Variants in SART1 observed in about 807,000 individuals in gnomAD.
SART1 encodes U4/U6.U5 tri-snRNP-associated protein 1.
In SART1, 28 loss-of-function variants were observed where a neutral mutation model predicts 105.0. The observed-to-expected ratio is 0.27, with a 90% CI of 0.20 to 0.37. The LOEUF is 0.37. SART1 is among the 10% of genes least tolerant of loss of function. SART1 has a pLI of 1.00. For synonymous variants in SART1, 472 were observed against 462.9 expected (o/e 1.02, Z -0.25); for missense variants, 894 against 1,106.5 (o/e 0.81, Z 2.72).
chr11:65,975,023 A>G (rs1047340211), intron 12 of SART1, among the ~76,000 whole-genome samples: 11 of 152,100 alleles, frequency 7.2e-5, no homozygotes, highest in Non-Finnish European at 1.5e-4. Flanking sequence ...CTGGGCGACA[A>G]AGTGAGACTC....
intron 2 of SART1, 35 bp downstream of exon 2, chr11:65,964,166 TC>T: frequency 1.3e-6 from 2 of 1,596,946 alleles, no homozygotes; most frequent in Non-Finnish European, 8.6e-7. Flanking sequence ...ACTTTGTTTT[TC>T]TAAGAGAGGT....
Position 65,978,069 on chromosome 11 carries a change from G to A in SART1, c.2172+170G>A. 1.4e-6 allele frequency: 1 copy of A among 694,088 alleles called. No individual in the cohort carries two copies. The highest frequency in any genetic ancestry group is 2.7e-5 in the East Asian group (1 of 36,646). 43.0% of individuals were successfully genotyped at this position (694,088 alleles called of 1,614,324 possible). On this transcript the variant is annotated intron_variant, in intron 17 of 19. Coordinates refer to ENST00000312397, the MANE Select transcript of SART1 (RefSeq NM_005146.5). The surrounding 1 kb of genome is among the most constrained non-coding windows in gnomAD (Gnocchi z 6.8). ...GGAGGGGGCCCTCAGGGCTGAGGAA[G>A]GCTGTGCCTCAGTTTGTCTCTAGTG...
chr11:65,965,598 CCTG>C lies in SART1; in HGVS notation c.661-102_661-100del. ...TCTACTTTGGATTCTCAGCAGCTTT[CCTG>C]CAAGGCCTGCCCTTTTTGCACTCCG... On this transcript the variant is annotated intron_variant, in intron 5 of 19. Transcript: ENST00000312397. 3.7e-6 allele frequency: 5 copies of C among 1,343,030 alleles called. No individual in the cohort carries two copies. The South Asian group carries it at 6.5e-5, about 17-fold the overall frequency. 83.2% of individuals were successfully genotyped at this position (1,343,030 alleles called of 1,614,324 possible).
In SART1 at chr11:65,976,397, G is replaced by C; in HGVS notation, c.1575G>C (p.Val525=). The change falls in exon 13 of 20, where the codon GTG becomes GTC. Residue 525 remains valine, a splice_region_variant and synonymous_variant. Transcript: ENST00000312397. The surrounding 1 kb of genome is among the most constrained non-coding windows in gnomAD (Gnocchi z 5.1). ...CCCACAGCCGCTCCCTCCCCCAGGT[G>C]GTGGAGATTGTGAAGAAGCTGGAGT... ...LQQLRDSGEK[V]VEIVKKLESR... is the part of the protein sequence containing the mutation. 1 of 1,542,434 alleles carries C rather than the reference G, an allele frequency of 6.5e-7. No individual in the cohort carries two copies. The highest frequency in any genetic ancestry group is 1.3e-5 in the South Asian group (1 of 77,742).
intron 15 of SART1, among the ~76,000 whole-genome samples, 156 bp from the exon 16 acceptor site, chr11:65,977,407 A>C (rs1358624315): frequency 1.3e-5 from 2 of 152,114 alleles, no homozygotes; most frequent in Admixed American, 6.5e-5. Flanking sequence ...CAAGGGGCTC[A>C]TTTCTGCATC....
intron 12 of SART1, among the ~76,000 whole-genome samples, chr11:65,973,153 G>A (rs1293823201): frequency 1.3e-5 from 2 of 152,072 alleles, no homozygotes; most frequent in East Asian, 3.9e-4. Flanking sequence ...CAGCCTGGGT[G>A]ACAGAGCAAG....
At chr11:65,964,212 A>G (rs1855202862) in intron 2 of SART1, 81 bp downstream of exon 2, 1 of 1,192,484 alleles carries the variant, frequency 8.4e-7, no homozygotes, top group South Asian at 1.2e-5. Flanking sequence ...GCTTTCTCAC[A>G]TGAAAGTGTG....
At position 65,967,777 on chromosome 11, in the gene SART1, C is replaced by G. The variant is rs1006809828; in HGVS notation, c.1528C>G (p.Arg510Gly). 1.9e-6 allele frequency: 3 copies of G among 1,549,386 alleles called. No homozygotes were observed. Among genetic ancestry groups the G allele is most frequent in the Non-Finnish European group, 2.6e-6 (3 of 1,146,974 alleles). The change falls in exon 12 of 20, where the codon CGA (arginine) becomes GGA (glycine). Residue 510 changes from arginine to glycine, a missense_variant. Physicochemically the swap from Arg to Gly is moderately radical, Grantham distance 125. Coordinates refer to ENST00000312397, the MANE Select transcript of SART1 (RefSeq NM_005146.5). Reference sequence around the variant, plus strand: ...GCAGCTGGAGAAGGGACGCCGGCTGCGACAGTTACAGCAGCTACAGCAGCT... The same window carrying G: ...GCAGCTGGAGAAGGGACGCCGGCTGGGACAGTTACAGCAGCTACAGCAGCT... The part of the protein sequence containing the change: ...QKQLEKGRRL[R>G]QLQQLQQLRD...
intron 12 of SART1, among the ~76,000 whole-genome samples, chr11:65,975,997 C>T (rs1855473604): frequency 6.6e-6 from 1 of 152,070 alleles, no homozygotes; most frequent in South Asian, 2.1e-4. Flanking sequence ...GCCACCTCAC[C>T]ACCCTGCGGG....
intron 12 of SART1, among the ~76,000 whole-genome samples, chr11:65,973,725 G>A (rs1341749228): frequency 6.6e-6 from 1 of 152,198 alleles, no homozygotes; most frequent in Admixed American, 6.5e-5. Context: ...CATCCTCAGT[G>A]GGCTAGAGAG....
chr11:65,969,127 C>G (rs1188415348), intron 12 of SART1, among the ~76,000 whole-genome samples: 4 of 152,062 alleles, frequency 2.6e-5, no homozygotes, highest in Non-Finnish European at 5.9e-5. Context: ...GGGCTGAACC[C>G]GGGACGGAGG....
At position 65,976,999 on chromosome 11, in the gene SART1, C is replaced by T; in HGVS notation, c.1858-15C>T. The T allele has an allele frequency of 6.2e-7, 1 of 1,610,180 alleles. No individual in the cohort carries two copies. ...CGGTATGGCCTGCTAACCACCCCCG[C>T]CACGTGTCCCGTAGTTCTCTGCTTC... On this transcript the variant is annotated splice_polypyrimidine_tract_variant and intron_variant, in intron 14 of 19. Coordinates refer to ENST00000312397, the MANE Select transcript of SART1 (RefSeq NM_005146.5). The surrounding 1 kb of genome is among the most constrained non-coding windows in gnomAD (Gnocchi z 5.1).
chr11:65,964,507 G>C lies in SART1; in HGVS notation c.372-8G>C. On this transcript the variant is annotated splice_polypyrimidine_tract_variant and splice_region_variant and intron_variant, in intron 2 of 19. Transcript: ENST00000312397. The stretch of plus-strand genomic sequence containing the variant: ...ATAGCCCCTAACACTTGTATCTCTT[G>C]TTGTCAGCAAACTCCGGGCAAAGTT... 3 of 1,612,784 alleles carry C rather than the reference G, an allele frequency of 1.9e-6. No individual in the cohort carries two copies. The highest frequency in any genetic ancestry group is 2.5e-6 in the Non-Finnish European group (3 of 1,179,654).
In SART1 at chr11:65,977,524, C is replaced by G. The variant is rs1341747205; in HGVS notation, c.1946-39C>G. The G allele has an allele frequency of 5.7e-6, 9 of 1,573,946 alleles. 1 individual carries two copies. In the East Asian group the frequency reaches 2.0e-4, roughly 35 times the overall value. On this transcript the variant is annotated intron_variant, in intron 15 of 19. Transcript: ENST00000312397. ...CTCAGGCGGCCCTGGAGCTGTGGCT[C>G]TCGAGGGGTTGGGAGTCTCACAACC...
chr11:65,977,996 C>T, intron 17 of SART1, 97 bp downstream of exon 17: 1 of 1,338,004 alleles, frequency 7.5e-7, no homozygotes, highest in Middle Eastern at 2.3e-4. Flanking sequence ...CCCCAGGGTC[C>T]TGGCTCCACC....
In SART1 at chr11:65,976,657, A is replaced by G; in HGVS notation, c.1748A>G (p.Asp583Gly). Residue 583 changes from aspartate (D) to glycine (G), a missense_variant and splice_region_variant, in exon 14 of 20, where the codon GAC becomes GGC. Coordinates refer to ENST00000312397, the MANE Select transcript of SART1 (RefSeq NM_005146.5). The surrounding 1 kb of genome is among the most constrained non-coding windows in gnomAD (Gnocchi z 5.1). ...CGACCCTGGTCTTTTGTGCCCCAGGACTTTGAACGGGATGAGGAGCGCTCA... is the reference window on the plus strand; with the variant it reads ...CGACCCTGGTCTTTTGTGCCCCAGGGCTTTGAACGGGATGAGGAGCGCTCA... Reference protein sequence around the residue: ...GNREEQEELMDFERDEERSAN... With the variant: ...GNREEQEELMGFERDEERSAN... The G allele has an allele frequency of 6.2e-7, 1 of 1,613,566 alleles. No homozygotes were observed. Among genetic ancestry groups the G allele is most frequent in the South Asian group, 1.1e-5 (1 of 91,058 alleles).
In SART1 at chr11:65,976,174, T is replaced by C. The variant is rs996159168; in HGVS notation, c.1573-221T>C. Reference sequence around the variant, plus strand: ...GAAGGCCCTGTAGGATGTTGGGTATTCATTCAAAGGGCATCCAAACCCATT... The same window carrying C: ...GAAGGCCCTGTAGGATGTTGGGTATCCATTCAAAGGGCATCCAAACCCATT... On this transcript the variant is annotated intron_variant, in intron 12 of 19. Coordinates refer to ENST00000312397, the MANE Select transcript of SART1 (RefSeq NM_005146.5). This position sits in a 1 kb window ranked among gnomAD's most constrained non-coding sequence, Gnocchi z 5.1. Among the ~76,000 whole-genome samples the C allele has an allele frequency of 6.6e-5, 10 of 152,002 alleles. No homozygotes were observed. The highest frequency in any genetic ancestry group is 1.3e-4 in the Non-Finnish European group (9 of 67,992).
At position 65,961,819 on chromosome 11, in the gene SART1, G is replaced by A. The variant is rs1231839839; in HGVS notation, c.39G>A (p.Ala13=). Residue 13 remains alanine (A), a synonymous_variant, in exon 1 of 20, where the codon GCG becomes GCA. Coordinates refer to ENST00000312397, the MANE Select transcript of SART1 (RefSeq NM_005146.5). ...AGAAGCATCGCGGAGAGAAGGAGGCGGCCGGGACGACGGCGGCGGCCGGCA... is the reference window on the plus strand; with the variant it reads ...AGAAGCATCGCGGAGAGAAGGAGGCAGCCGGGACGACGGCGGCGGCCGGCA... ...SSKKHRGEKE[A]AGTTAAAGTG... is the part of the protein sequence containing the mutation. 3 of 1,564,092 alleles carry A rather than the reference G, an allele frequency of 1.9e-6. No individual in the cohort carries two copies. Among genetic ancestry groups the A allele is most frequent in the Admixed American group, 1.9e-5 (1 of 51,530 alleles).
chr11:65,963,243 G>A (rs1408371001), intron 1 of SART1, among the ~76,000 whole-genome samples: 5 of 152,134 alleles, frequency 3.3e-5, no homozygotes, highest in Non-Finnish European at 7.4e-5. Context: ...TGTGTCATGG[G>A]AACTTTGGGA....
Sources: gnomAD v4.1 joint callset for allele counts (sites outside exome capture counted in the v4.1 genomes callset) on GRCh38, gnomAD v4.1.1 for gene constraint, Gnocchi (gnomAD v3.1) non-coding constraint, MANE v1.5 for transcripts, NCBI Gene and HGNC (gene_info 2026-07-23, HGNC 2026-07-21) for gene names.